NALCN: variants seen among roughly 807,000 people sequenced by gnomAD.
NALCN encodes sodium leak channel, non-selective.
A neutral mutation model predicts 225.3 loss-of-function variants in NALCN; 111 were observed. The observed-to-expected ratio is 0.49, with a 90% CI of 0.42 to 0.58. NALCN has a LOEUF of 0.58. Among genes scored for constraint, NALCN ranks in the 20% least tolerant of loss-of-function variants. The probability of loss-of-function intolerance (pLI) is 0.00; values close to 1 mark genes in which losing one functional copy is unlikely to be tolerated. For synonymous variants in NALCN, 764 were observed against 769.0 expected (o/e 0.99, Z 0.11); for missense variants, 1,378 against 2,202.4 (o/e 0.63, Z 7.49).
intron 14 of NALCN, among the ~76,000 whole-genome samples, chr13:101,183,494 C>T (rs184508235): frequency 2.0e-5 from 3 of 152,304 alleles, no homozygotes; most frequent in East Asian, 3.9e-4. Context: ...GAGTCTCTCT[C>T]TGTCCCCCAG....
At chr13:101,259,914 AGTT>A (rs2042368636) in intron 10 of NALCN, among the ~76,000 whole-genome samples, 2 of 151,958 alleles carry the variant, frequency 1.3e-5, no homozygotes, top group Admixed American at 1.3e-4. Context: ...TAAAATGTAC[AGTT>A]ATTATTATTG....
intron 7 of NALCN, among the ~76,000 whole-genome samples, chr13:101,301,683 C>T (rs1031120429): frequency 2.3e-4 from 34 of 150,902 alleles, no homozygotes; most frequent in African/African-American, 8.0e-4. Context: ...ATCACACCAC[C>T]GCACTCCAGC....
At chr13:101,076,028 C>T in intron 34 of NALCN, 87 bp from the exon 35 acceptor site, 1 of 1,059,288 alleles carries the variant, frequency 9.4e-7, no homozygotes, top group East Asian at 2.6e-5. Flanking sequence ...GTGAAGTATA[C>T]TGAATAATTA....
chr13:101,345,018 C>T (rs943452052), intron 7 of NALCN, among the ~76,000 whole-genome samples: 1 of 152,084 alleles, frequency 6.6e-6, no homozygotes, highest in Non-Finnish European at 1.5e-5. Context: ...TATTGAGAAT[C>T]GAAATAGTCA....
chr13:101,383,095 T>C (rs1319996780), intron 3 of NALCN, among the ~76,000 whole-genome samples: 1 of 152,184 alleles, frequency 6.6e-6, no homozygotes, highest in African/African-American at 2.4e-5. Flanking sequence ...TTTGGCTTTT[T>C]AATGTTCATT....
intron 15 of NALCN, among the ~76,000 whole-genome samples, chr13:101,150,886 G>A (rs964389404): frequency 3.3e-5 from 5 of 152,168 alleles, no homozygotes; most frequent in Non-Finnish European, 7.4e-5. Flanking sequence ...AGAACACAGT[G>A]TAGAGAATCC....
chr13:101,083,835 C>CT (rs926376558), intron 30 of NALCN, 31 bp from the exon 31 acceptor site: 10 of 1,604,560 alleles, frequency 6.2e-6, no homozygotes, highest in Non-Finnish European at 7.7e-6. Context: ...AGGAAAAGGC[C>CT]TTTTGTCATG....
chr13:101,153,319 T>A (rs2037743515), intron 15 of NALCN, among the ~76,000 whole-genome samples: 1 of 152,204 alleles, frequency 6.6e-6, no homozygotes, highest in Non-Finnish European at 1.5e-5. Flanking sequence ...CCACAGTGAC[T>A]GCTTGCTCTA....
intron 15 of NALCN, among the ~76,000 whole-genome samples, chr13:101,167,243 C>T (rs2038483047): frequency 6.6e-6 from 1 of 152,124 alleles, no homozygotes; most frequent in African/African-American, 2.4e-5. Flanking sequence ...TCTATATCTG[C>T]AAAAAGCGTC....
chr13:101,290,789 T>C (rs1378564720), intron 9 of NALCN, among the ~76,000 whole-genome samples: 4 of 152,238 alleles, frequency 2.6e-5, no homozygotes, highest in African/African-American at 9.6e-5. Flanking sequence ...CCTTGATAGA[T>C]ACCTTTGTCT....
intron 11 of NALCN, among the ~76,000 whole-genome samples, chr13:101,247,022 C>T (rs2041917262): frequency 6.6e-6 from 1 of 152,162 alleles, no homozygotes. Context: ...ACGAGGTTAA[C>T]CTCTTTGTTG....
rs1435968741 is a variant in NALCN, at chr13:101,411,217, C to CT, written c.-40+5095dup. Among the ~76,000 whole-genome samples, 38 of 141,720 alleles carry CT rather than the reference C, an allele frequency of 2.7e-4. No homozygotes were observed. The East Asian group carries it at 3.8e-3, about 14-fold the overall frequency. 93.0% of individuals were successfully genotyped at this position (141,720 alleles called of 152,430 possible). On this transcript the variant is annotated intron_variant, in intron 1 of 43. Transcript: ENST00000251127. Reference sequence around the variant, plus strand: ...AACTTTATCCTCTTTCTTTTTTTTCCTTTTTTTTTGTACTTCTTAAGATGA... The same window carrying CT: ...AACTTTATCCTCTTTCTTTTTTTTCCTTTTTTTTTTGTACTTCTTAAGATGA...
chr13:101,362,006 T>A (rs2046264562), intron 6 of NALCN, among the ~76,000 whole-genome samples: 1 of 151,914 alleles, frequency 6.6e-6, no homozygotes, highest in Admixed American at 6.6e-5. Context: ...TTATATTTAC[T>A]TTATTAATAT....
rs569445971 is a variant in NALCN, at chr13:101,368,249, C to T, written c.644+8451G>A. 1.4e-3 allele frequency among the ~76,000 whole-genome samples: 213 copies of T among 148,582 alleles called. 1 individual carries two copies. The highest frequency in any genetic ancestry group is 5.0e-3 in the African/African-American group (203 of 40,236). ...ATTCCCACCTATGAGTGAGAATATG[C>T]GGTGTTTGGTTTTTTGTTCTTGCGA... On this transcript the variant is annotated intron_variant, in intron 6 of 43. Transcript: ENST00000251127.
At chr13:101,182,373 C>T (rs75813928) in intron 14 of NALCN, among the ~76,000 whole-genome samples, 9 of 152,018 alleles carry the variant, frequency 5.9e-5, no homozygotes, top group Admixed American at 4.6e-4. Context: ...GAAAACGCTG[C>T]GTGACTTCAC....
At chr13:101,338,840 T>C (rs2045468000) in intron 7 of NALCN, among the ~76,000 whole-genome samples, 1 of 152,232 alleles carries the variant, frequency 6.6e-6, no homozygotes, top group Non-Finnish European at 1.5e-5. Context: ...GACGGTTTGG[T>C]GGAAACAGCA....
chr13:101,100,976 G>T, intron 26 of NALCN, 88 bp from the exon 27 acceptor site: 1 of 990,166 alleles, frequency 1.0e-6, no homozygotes, highest in Non-Finnish European at 1.4e-6. Flanking sequence ...GGACTTCTAA[G>T]ATAACATTGT....
intron 7 of NALCN, among the ~76,000 whole-genome samples, chr13:101,302,031 G>A (rs1269933686): frequency 6.6e-6 from 1 of 152,134 alleles, no homozygotes. Flanking sequence ...ATATTTTAAA[G>A]ATTTATTGGA....
chr13:101,145,366 G>A (rs192272906), intron 15 of NALCN, among the ~76,000 whole-genome samples: 99 of 152,272 alleles, frequency 6.5e-4, no homozygotes, highest in Non-Finnish European at 1.3e-3. Context: ...AGGAAAATTG[G>A]TTATGTCGCC....
Sources: gnomAD v4.1 joint callset for allele counts (sites outside exome capture counted in the v4.1 genomes callset) on GRCh38, gnomAD v4.1.1 for gene constraint, MANE v1.5 for transcripts, NCBI Gene and HGNC (gene_info 2026-07-23, HGNC 2026-07-21) for gene names.